RUBCN: variants seen among roughly 807,000 people sequenced by gnomAD.
RUBCN encodes the protein rubicon autophagy regulator.
RUBCN carries 74 observed loss-of-function variants against 113.2 expected under a neutral mutation model. That is an observed-to-expected ratio of 0.65 (90% CI 0.54 to 0.79). RUBCN has a LOEUF of 0.79. RUBCN is among the 30% of genes least tolerant of loss of function. The pLI is 0.00. For synonymous variants in RUBCN, 480 were observed against 490.0 expected, an observed-to-expected ratio of 0.98 and a Z score of 0.27; for missense variants, 1,109 against 1,251.7, an observed-to-expected ratio of 0.89 and a Z score of 1.72.
At chr3:197,738,090 C>T (rs966627436), upstream of RUBCN, among the ~76,000 whole-genome samples, 3 of 152,208 alleles carry the variant, frequency 2.0e-5, no homozygotes, top group Non-Finnish European at 4.4e-5. Flanking sequence ...CTAGGATCTG[C>T]ATTTTTAAGC....
At position 197,695,879 on chromosome 3, in the gene RUBCN, G is replaced by C; in HGVS notation, c.1460C>G (p.Ala487Gly). The C allele has an allele frequency of 6.2e-7, 1 of 1,614,060 alleles. No individual in the cohort carries two copies. Among genetic ancestry groups the C allele is most frequent in the South Asian group, 1.1e-5 (1 of 91,074 alleles). ...YLSEQDFGSC[A>G]DLEKENAHFS... is the part of the protein sequence containing the mutation. ...TCGATTTCCCACCTTTTCCAGGTCGGCACAGCTGCCGAAGTCTTGCTCAGA... is the reference window on the plus strand; with the variant it reads ...TCGATTTCCCACCTTTTCCAGGTCGCCACAGCTGCCGAAGTCTTGCTCAGA... Residue 487 changes from alanine to glycine, a missense_variant, in exon 9 of 20, where the codon GCC becomes GGC. Transcript: ENST00000296343.
chr3:197,700,378 T>G, intron 7 of RUBCN: 1 of 588,764 alleles, frequency 1.7e-6, no homozygotes, highest in Non-Finnish European at 3.0e-6. Flanking sequence ...ACCAAACTAG[T>G]AAAGAATCCA....
At chr3:197,724,035 A>C (rs1048535636) in intron 1 of RUBCN, among the ~76,000 whole-genome samples, 3 of 152,160 alleles carry the variant, frequency 2.0e-5, no homozygotes, top group African/African-American at 7.2e-5. Context: ...GGGGCGGCCT[A>C]AGTGGCAAGG....
chr3:197,747,863 C>T (rs1262929299), intron 1 of RUBCN, among the ~76,000 whole-genome samples: 1 of 151,872 alleles, frequency 6.6e-6, no homozygotes, highest in Admixed American at 6.6e-5. Flanking sequence ...CAGTGAATAA[C>T]TAAAGTCAGT....
At position 197,670,132 on chromosome 3, in the gene RUBCN, C is replaced by T. The variant is rs1445750205; in HGVS notation, c.*4886G>A. On this transcript the variant is annotated 3_prime_UTR_variant, in exon 20 of 20. Coordinates refer to ENST00000296343, the MANE Select transcript of RUBCN (RefSeq NM_014687.4). ...CCAATCTCTTGACCTCGTGATCCGC[C>T]CGCCTCGGCCTCCCAAAGTGCTGGG... Among the ~76,000 whole-genome samples, 1 of 152,198 alleles carries T rather than the reference C, an allele frequency of 6.6e-6. No homozygotes were observed. Among genetic ancestry groups the T allele is most frequent in the East Asian group, 1.9e-4 (1 of 5,202 alleles).
Position 197,716,452 on chromosome 3 carries a change from T to C in RUBCN, c.219+1525A>G, listed in dbSNP as rs143141253. Among the ~76,000 whole-genome samples the C allele has an allele frequency of 2.4e-3, 368 of 152,340 alleles. 1 individual carries two copies. The highest frequency in any genetic ancestry group is 3.7e-3 in the Non-Finnish European group (251 of 68,022). On this transcript the variant is annotated intron_variant, in intron 2 of 19. Coordinates refer to ENST00000296343, the MANE Select transcript of RUBCN (RefSeq NM_014687.4). ...CTTCTCATTCTGTAGAAACATTTCA[T>C]GCATGAAAGTCAGAAATAAGTGAAC...
Position 197,701,137 on chromosome 3 carries a change from G to C in RUBCN, c.737C>G (p.Ser246Cys). The C allele has an allele frequency of 2.6e-6, 4 of 1,543,370 alleles. No homozygotes were observed. Among genetic ancestry groups the C allele is most frequent in the Non-Finnish European group, 3.5e-6 (4 of 1,147,332 alleles). ...AGGGCCAGAGAGTGGAAAGGAAGTA[G>C]ATCTTCTCTCTAGAATATAAAAGGA... ...SVPNNGSERRSTSFPLSGPPR... is the reference protein window; with the variant it reads ...SVPNNGSERRCTSFPLSGPPR... Residue 246 changes from serine to cysteine, a missense_variant, in exon 7 of 20, where the codon TCT (serine) becomes TGT (cysteine). Around this residue, in one of 3 missense-constraint regions of RUBCN, gnomAD observed 736 missense variants for 779.6 expected, o/e 0.94. Coordinates refer to ENST00000296343, the MANE Select transcript of RUBCN (RefSeq NM_014687.4).
chr3:197,709,238 C>T (rs374590527), intron 2 of RUBCN, among the ~76,000 whole-genome samples: 3 of 152,020 alleles, frequency 2.0e-5, no homozygotes, highest in East Asian at 3.8e-4. Flanking sequence ...CTGTTCTTAT[C>T]GAAAAATGGT....
Position 197,747,112 on chromosome 3 carries a change from C to T in RUBCN, c.-116+2157G>A, listed in dbSNP as rs538683022. Among the ~76,000 whole-genome samples, 7 of 152,138 alleles carry T rather than the reference C, an allele frequency of 4.6e-5. No homozygotes were observed. In the South Asian group the frequency reaches 1.5e-3, roughly 32 times the overall value. On this transcript the variant is annotated intron_variant, in intron 1 of 20. Coordinates refer to the RUBCN transcript ENST00000273582. The stretch of plus-strand genomic sequence containing the variant: ...TTCCGATTTCTTGGCTTGTCTTCCT[C>T]TTTATTTTTACTGTGTGTGTCTCGG...
At chr3:197,676,802 G>C (rs767585825) in intron 18 of RUBCN, 83 bp downstream of exon 18, 2 of 1,607,192 alleles carry the variant, frequency 1.2e-6, no homozygotes, top group Admixed American at 1.7e-5. Context: ...CTCAAGCTAA[G>C]TGGCAAGAAC....
chr3:197,736,544 C>T (rs1728150296), intron 1 of RUBCN, 111 bp downstream of exon 1: 1 of 996,962 alleles, frequency 1.0e-6, no homozygotes, highest in Non-Finnish European at 1.5e-6. Context: ...CAGCCGTCGT[C>T]CTCAAGACTC....
In RUBCN at chr3:197,702,660, C is replaced by T. The variant is rs948844882; in HGVS notation, c.571-796G>A. Among the ~76,000 whole-genome samples, 10 of 152,174 alleles carry T rather than the reference C, an allele frequency of 6.6e-5. No homozygotes were observed. In the East Asian group the frequency reaches 9.6e-4, roughly 15 times the overall value. ...CCCAGCCTGGACAACAAAGTAAAGA[C>T]TCTGTCTCAAAATAATAATAATGAT... On this transcript the variant is annotated intron_variant, in intron 5 of 19. Coordinates refer to ENST00000296343, the MANE Select transcript of RUBCN (RefSeq NM_014687.4).
At position 197,670,911 on chromosome 3, in the gene RUBCN, G is replaced by T. The variant is rs959687879; in HGVS notation, c.*4107C>A. Among the ~76,000 whole-genome samples, 2 of 152,240 alleles carry T rather than the reference G, an allele frequency of 1.3e-5. No homozygotes were observed. The highest frequency in any genetic ancestry group is 2.4e-5 in the African/African-American group (1 of 41,470). On this transcript the variant is annotated 3_prime_UTR_variant, in exon 20 of 20. Coordinates refer to ENST00000296343, the MANE Select transcript of RUBCN (RefSeq NM_014687.4). Reference sequence around the variant, plus strand: ...AAAGTAGCTGAGGGAGAAGACAGGAGATGAGGACACGCTCACTACTGCAGA... The same window carrying T: ...AAAGTAGCTGAGGGAGAAGACAGGATATGAGGACACGCTCACTACTGCAGA...
rs1302730394 is a variant in RUBCN, at chr3:197,668,976, A to T, written c.*6042T>A. ...CCACCATTCTAACAGAACCACACTA[A>T]TTTTTACGTATGTTTTCCTTATGTA... On this transcript the variant is annotated 3_prime_UTR_variant, in exon 20 of 20. Coordinates refer to ENST00000296343, the MANE Select transcript of RUBCN (RefSeq NM_014687.4). 6.6e-6 allele frequency among the ~76,000 whole-genome samples: 1 copy of T among 151,918 alleles called. No homozygotes were observed. The highest frequency in any genetic ancestry group is 6.5e-5 in the Admixed American group (1 of 15,270).
In RUBCN at chr3:197,674,446, A is replaced by G. The variant is rs772452197; in HGVS notation, c.*572T>C. On this transcript the variant is annotated 3_prime_UTR_variant, in exon 20 of 20. Coordinates refer to ENST00000296343, the MANE Select transcript of RUBCN (RefSeq NM_014687.4). Reference sequence around the variant, plus strand: ...GGTCTCTGAGGAGTCTAGGATAGTCAGGATTGTTCTGTGGCCCCCAAAATA... The same window carrying G: ...GGTCTCTGAGGAGTCTAGGATAGTCGGGATTGTTCTGTGGCCCCCAAAATA... The G allele has an allele frequency of 5.0e-6, 2 of 396,690 alleles. No homozygotes were observed. Among genetic ancestry groups the G allele is most frequent in the Non-Finnish European group, 1.0e-5 (2 of 190,936 alleles). The allele number at this position is 396,690 out of a possible 1,614,324, so 24.6% of individuals were successfully genotyped here.
chr3:197,719,989 C>T (rs1453273620), intron 1 of RUBCN, among the ~76,000 whole-genome samples: 1 of 152,160 alleles, frequency 6.6e-6, no homozygotes, highest in African/African-American at 2.4e-5. Context: ...CTGCTGTTAA[C>T]CCTCGTCATC....
intron 16 of RUBCN, among the ~76,000 whole-genome samples, chr3:197,680,900 G>A (rs1472721376): frequency 6.6e-6 from 1 of 151,606 alleles, no homozygotes; most frequent in South Asian, 2.1e-4. Flanking sequence ...CATAGTGAGG[G>A]CATGAACGGA....
intron 2 of RUBCN, among the ~76,000 whole-genome samples, chr3:197,711,667 T>A (rs1724979504): frequency 6.6e-6 from 1 of 151,888 alleles, no homozygotes; most frequent in South Asian, 2.1e-4. Flanking sequence ...ACCCTGTCTT[T>A]AAAAAAAATT....
intron 9 of RUBCN, among the ~76,000 whole-genome samples, chr3:197,695,063 T>C (rs980490622): frequency 1.3e-5 from 2 of 152,238 alleles, no homozygotes; most frequent in African/African-American, 2.4e-5. Flanking sequence ...AAAACAATGC[T>C]GCCAGACGCA....
Sources: gnomAD v4.1 joint callset for allele counts (sites outside exome capture counted in the v4.1 genomes callset) on GRCh38, gnomAD v4.1.1 for gene constraint, gnomAD v4.1.1 regional missense constraint, MANE v1.5 for transcripts, NCBI Gene and HGNC (gene_info 2026-07-23, HGNC 2026-07-21) for gene names.